Variants in TMEM163 observed in about 807,000 individuals in gnomAD.
TMEM163 encodes the protein transmembrane protein 163.
TMEM163 carries 17 observed loss-of-function variants against 29.3 expected under a neutral mutation model. The ratio of observed to expected loss-of-function variants is 0.58; its 90% CI spans 0.40 to 0.87. The LOEUF (loss-of-function observed/expected upper bound fraction) is 0.87, where lower values mean the gene tolerates loss of function less well. Ranked by LOEUF, TMEM163 falls within the 40% of genes least tolerant of loss-of-function variation. The pLI, the probability that TMEM163 is intolerant of heterozygous loss-of-function variation, is 0.00. For synonymous variants in TMEM163, 157 were observed against 160.6 expected, an observed-to-expected ratio of 0.98 and a Z score of 0.17; for missense variants, 303 against 381.5, an observed-to-expected ratio of 0.79 and a Z score of 1.71.
At chr2:134,609,061 G>T (rs1682429447) in intron 2 of TMEM163, among the ~76,000 whole-genome samples, 1 of 95,106 alleles carries the variant, frequency 1.1e-5, no homozygotes, top group Admixed American at 9.6e-5. Flanking sequence ...TGGTGAAAAG[G>T]ACAGACCCCG....
chr2:134,653,897 C>G (rs1273863964), intron 2 of TMEM163, among the ~76,000 whole-genome samples: 1 of 127,132 alleles, frequency 7.9e-6, no homozygotes, highest in East Asian at 2.0e-4. Context: ...TTTGATTGCA[C>G]TGTGGTCTGA....
At chr2:134,630,008 G>T (rs1682932521) in intron 2 of TMEM163, among the ~76,000 whole-genome samples, 1 of 152,032 alleles carries the variant, frequency 6.6e-6, no homozygotes, top group South Asian at 2.1e-4. Flanking sequence ...GTATCCACAG[G>T]CCCTCTGAGG....
At chr2:134,561,963 G>A (rs1681193573) in intron 2 of TMEM163, among the ~76,000 whole-genome samples, 1 of 152,190 alleles carries the variant, frequency 6.6e-6, no homozygotes, top group South Asian at 2.1e-4. Flanking sequence ...CTTAATCATA[G>A]AATGCAGCTC....
intron 4 of TMEM163, among the ~76,000 whole-genome samples, chr2:134,511,261 G>A (rs1679943323): frequency 1.3e-5 from 2 of 151,964 alleles, no homozygotes; most frequent in South Asian, 4.1e-4. Context: ...AGCCACCTGG[G>A]GACGAGCACT....
At chr2:134,574,096 G>A (rs1681493977) in intron 2 of TMEM163, among the ~76,000 whole-genome samples, 1 of 152,198 alleles carries the variant, frequency 6.6e-6, no homozygotes, top group East Asian at 1.9e-4. Context: ...AATCAAGATA[G>A]CAATTAGGAA....
intron 4 of TMEM163, among the ~76,000 whole-genome samples, chr2:134,537,637 T>C (rs1457202032): frequency 6.6e-6 from 1 of 152,224 alleles, no homozygotes; most frequent in Non-Finnish European, 1.5e-5. Flanking sequence ...CAAGGTCTTC[T>C]AAAGGAGATC....
At chr2:134,630,803 G>A (rs1301844058) in intron 2 of TMEM163, among the ~76,000 whole-genome samples, 1 of 152,186 alleles carries the variant, frequency 6.6e-6, no homozygotes. Flanking sequence ...TGTCTAGGAT[G>A]CTTTTTGAAA....
At chr2:134,691,175 C>T (rs1414219851) in intron 2 of TMEM163, among the ~76,000 whole-genome samples, 1 of 152,192 alleles carries the variant, frequency 6.6e-6, no homozygotes, top group Non-Finnish European at 1.5e-5. Context: ...TTGGGGAGAA[C>T]AGGGGAGAAA....
At chr2:134,562,547 T>G (rs540587715) in intron 2 of TMEM163, among the ~76,000 whole-genome samples, 1 of 152,222 alleles carries the variant, frequency 6.6e-6, no homozygotes, top group Non-Finnish European at 1.5e-5. Context: ...TCCAAACACA[T>G]TGAACCTCTT....
intron 2 of TMEM163, among the ~76,000 whole-genome samples, chr2:134,669,992 C>G (rs1180050361): frequency 6.6e-6 from 1 of 152,130 alleles, no homozygotes; most frequent in African/African-American, 2.4e-5. Flanking sequence ...GGACCCTGGG[C>G]CAGAACCACC....
intron 2 of TMEM163, among the ~76,000 whole-genome samples, chr2:134,707,954 T>G (rs1684855020): frequency 6.6e-6 from 1 of 150,844 alleles, no homozygotes; most frequent in Non-Finnish European, 1.5e-5. Flanking sequence ...AATGGTGCGA[T>G]CTCAGCTCAC....
At chr2:134,571,407 C>G (rs1335236769) in intron 2 of TMEM163, among the ~76,000 whole-genome samples, 1 of 152,142 alleles carries the variant, frequency 6.6e-6, no homozygotes, top group East Asian at 1.9e-4. Flanking sequence ...TCTGCCATGA[C>G]ATTTTTCTCA....
At chr2:134,479,609 CA>C (rs1334704831) in intron 5 of TMEM163, among the ~76,000 whole-genome samples, 1 of 152,170 alleles carries the variant, frequency 6.6e-6, no homozygotes, top group East Asian at 1.9e-4. Flanking sequence ...CCCTTCTGTA[CA>C]AACGTGAGGT....
intron 2 of TMEM163, among the ~76,000 whole-genome samples, chr2:134,579,397 A>G (rs188731552): frequency 1.8e-4 from 28 of 152,302 alleles, no homozygotes; most frequent in African/African-American, 6.5e-4. Flanking sequence ...AAGTGACATA[A>G]TGTTTTAGGA....
At chr2:134,567,663 C>G (rs142896975) in intron 2 of TMEM163, among the ~76,000 whole-genome samples, 1 of 152,098 alleles carries the variant, frequency 6.6e-6, no homozygotes, top group African/African-American at 2.4e-5. Flanking sequence ...TGCACTCTAG[C>G]CTAAGCAACA....
At chr2:134,605,745 G>C (rs1461582525) in intron 2 of TMEM163, among the ~76,000 whole-genome samples, 1 of 151,226 alleles carries the variant, frequency 6.6e-6, no homozygotes, top group East Asian at 1.9e-4. Context: ...GAGAGGAGAG[G>C]AGAAAAAAGA....
intron 2 of TMEM163, among the ~76,000 whole-genome samples, chr2:134,600,331 C>G (rs1682198674): frequency 6.6e-6 from 1 of 152,018 alleles, no homozygotes; most frequent in Non-Finnish European, 1.5e-5. Context: ...GGATAATGAC[C>G]CAACAATGGC....
At chr2:134,488,948 T>C (rs1271184160) in intron 5 of TMEM163, among the ~76,000 whole-genome samples, 1 of 151,988 alleles carries the variant, frequency 6.6e-6, no homozygotes, top group Non-Finnish European at 1.5e-5. Flanking sequence ...GTCTGGAAAA[T>C]TGTGATAAGT....
chr2:134,662,156 C>T lies in TMEM163; in HGVS notation c.322+51044G>A, dbSNP rs1316234087. On this transcript the variant is annotated intron_variant, in intron 2 of 7. Transcript: ENST00000281924. ...TTCACCGTGTTAGCCAGGATGGTCT[C>T]GATCTCCTGACCTCGTGATCCGCCC... is the stretch of plus-strand genomic sequence containing the variant. 1.1e-4 allele frequency among the ~76,000 whole-genome samples: 17 copies of T among 151,972 alleles called. No homozygotes were observed. The South Asian group carries it at 3.3e-3, about 30-fold the overall frequency.
Sources: gnomAD v4.1 joint callset for allele counts (sites outside exome capture counted in the v4.1 genomes callset) on GRCh38, gnomAD v4.1.1 for gene constraint, MANE v1.5 for transcripts, NCBI Gene and HGNC (gene_info 2026-07-23, HGNC 2026-07-21) for gene names.